Variants in DOCK1 observed in about 807,000 individuals in gnomAD.
DOCK1 encodes dedicator of cytokinesis protein 1.
Under a neutral mutation model 262.7 loss-of-function variants are expected in DOCK1, and 138 were observed. That is an observed-to-expected ratio of 0.53 (90% CI 0.46 to 0.61). The LOEUF (loss-of-function observed/expected upper bound fraction) is 0.61. Ranked by LOEUF, DOCK1 falls within the 20% of genes least tolerant of loss-of-function variation. The pLI is 0.00. For synonymous variants in DOCK1, 866 were observed against 867.4 expected (o/e 1.00, Z 0.03); for missense variants, 1,908 against 2,370.7 (o/e 0.80, Z 4.05).
chr10:127,380,033 C>G, intron 35 of DOCK1, 49 bp from the exon 36 acceptor site: 1 of 1,315,684 alleles, frequency 7.6e-7, no homozygotes, highest in Non-Finnish European at 1.1e-6. Context: ...CATGTGATAC[C>G]TTTTGTGGAA....
At chr10:127,327,576 T>C (rs554112100) in intron 29 of DOCK1, among the ~76,000 whole-genome samples, 85 of 152,318 alleles carry the variant, frequency 5.6e-4, no homozygotes, top group African/African-American at 1.9e-3. Flanking sequence ...CACTGAAACT[T>C]TCTCCGTAAA....
intron 35 of DOCK1, among the ~76,000 whole-genome samples, chr10:127,375,989 C>T (rs1203074322): frequency 5.3e-5 from 8 of 152,148 alleles, no homozygotes; most frequent in Admixed American, 5.2e-4. Flanking sequence ...CCACTGGAGC[C>T]AGTACTAGAT....
chr10:126,960,999 G>T (rs1434031179), intron 1 of DOCK1, among the ~76,000 whole-genome samples: 1 of 152,020 alleles, frequency 6.6e-6, no homozygotes, highest in Non-Finnish European at 1.5e-5. Flanking sequence ...TGTGAGGAAA[G>T]GCTCTTTTGT....
chr10:126,917,449 C>T (rs553213222), intron 1 of DOCK1, among the ~76,000 whole-genome samples: 3 of 152,158 alleles, frequency 2.0e-5, no homozygotes, highest in Admixed American at 6.5e-5. Flanking sequence ...GCAGCCAGCC[C>T]GGAAGCCCTT....
intron 46 of DOCK1, among the ~76,000 whole-genome samples, chr10:127,423,629 T>G (rs1424522502): frequency 6.6e-6 from 1 of 152,204 alleles, no homozygotes; most frequent in Non-Finnish European, 1.5e-5. Flanking sequence ...ACTGCTGTGA[T>G]GTATACATAT....
chr10:126,941,539 G>A (rs1008840569), intron 1 of DOCK1, among the ~76,000 whole-genome samples: 48 of 152,216 alleles, frequency 3.2e-4, no homozygotes, highest in Admixed American at 1.4e-3. Flanking sequence ...GGCGGATCAC[G>A]AGGTCAGGAG....
intron 27 of DOCK1, among the ~76,000 whole-genome samples, chr10:127,184,337 A>C: frequency 7.4e-6 from 1 of 134,438 alleles, no homozygotes; most frequent in African/African-American, 2.8e-5. Context: ...AATCCCCCAA[A>C]TCAGTCGTCA....
At chr10:127,199,435 C>T (rs977732790) in intron 27 of DOCK1, among the ~76,000 whole-genome samples, 4 of 152,112 alleles carry the variant, frequency 2.6e-5, no homozygotes, top group East Asian at 3.9e-4. Flanking sequence ...CTGTTCCAAA[C>T]GGGAAATAAT....
chr10:126,950,801 T>G (rs2036148543), intron 1 of DOCK1, among the ~76,000 whole-genome samples: 1 of 152,100 alleles, frequency 6.6e-6, no homozygotes, highest in South Asian at 2.1e-4. Context: ...ATGCGTCAAG[T>G]GTTCGTTGGA....
intron 31 of DOCK1, among the ~76,000 whole-genome samples, chr10:127,349,969 T>C (rs1486217526): frequency 6.6e-6 from 1 of 152,202 alleles, no homozygotes; most frequent in African/African-American, 2.4e-5. Flanking sequence ...GCAAAGACTC[T>C]ATTTCCAAAT....
At chr10:127,179,705 G>A (rs2055539791) in intron 27 of DOCK1, among the ~76,000 whole-genome samples, 1 of 152,112 alleles carries the variant, frequency 6.6e-6, no homozygotes. Context: ...AGGAAATGGG[G>A]CATTCTACAG....
rs1364358609 is a variant in DOCK1 at position 126,908,925 on chromosome 10, GCTCA to G, written c.46+3372_46+3375del. Among the ~76,000 whole-genome samples, 7 of 152,304 alleles carry G rather than the reference GCTCA, an allele frequency of 4.6e-5. No homozygotes were observed. In the East Asian group the frequency reaches 7.7e-4, roughly 17 times the overall value. ...CTAGAATCACACGTGAGGACCATGT[GCTCA>G]CTCACTCACATCTCAACAATGGTGT... On this transcript the variant is annotated intron_variant, in intron 1 of 51. Transcript: ENST00000623213.
chr10:127,125,133 C>T (rs1209809251), intron 25 of DOCK1, among the ~76,000 whole-genome samples: 2 of 152,096 alleles, frequency 1.3e-5, no homozygotes, highest in African/African-American at 4.8e-5. Context: ...AAAACAACAA[C>T]AAAAAACAAA....
chr10:127,452,305 A>AACAC lies in DOCK1; in HGVS notation c.*898_*901dup, dbSNP rs10663938. The AACAC allele has an allele frequency of 0.021, 3,139 of 149,488 alleles. 34 individuals are homozygous for AACAC. Among genetic ancestry groups the AACAC allele is most frequent in the Non-Finnish European group, 0.027 (1,778 of 67,062 alleles). The allele number at this position is 149,488 out of a possible 1,614,324, so 9.3% of individuals were successfully genotyped here. ...AATTTTTAACTGCTGGAAGTGTTAA[A>AACAC]ACACACACACACACACACACACATT... On this transcript the variant is annotated 3_prime_UTR_variant, in exon 52 of 52. Transcript: ENST00000623213.
intron 47 of DOCK1, 51 bp downstream of exon 47, chr10:127,426,062 C>T: frequency 6.2e-7 from 1 of 1,608,860 alleles, no homozygotes; most frequent in Non-Finnish European, 8.5e-7. Context: ...TCTGGGCATC[C>T]CACTGTTGAA....
intron 23 of DOCK1, among the ~76,000 whole-genome samples, chr10:127,087,409 G>A (rs929079086): frequency 2.0e-5 from 3 of 152,116 alleles, no homozygotes; most frequent in Admixed American, 2.0e-4. Context: ...GGGCTCAGAC[G>A]CTGATGCTAA....
chr10:127,310,212 G>A (rs1477608079), intron 29 of DOCK1, among the ~76,000 whole-genome samples: 1 of 152,038 alleles, frequency 6.6e-6, no homozygotes, highest in Non-Finnish European at 1.5e-5. Context: ...GTGAGAATCG[G>A]ACCTGGGATT....
chr10:127,077,994 C>A (rs962021703), intron 23 of DOCK1, among the ~76,000 whole-genome samples: 1 of 152,028 alleles, frequency 6.6e-6, no homozygotes, highest in African/African-American at 2.4e-5. Context: ...GGAGTGGAGG[C>A]AGGCAGCCTC....
At chr10:127,059,869 CTGTT>C (rs539091167) in intron 22 of DOCK1, among the ~76,000 whole-genome samples, 146 of 152,308 alleles carry the variant, frequency 9.6e-4, no homozygotes, top group African/African-American at 3.3e-3. Flanking sequence ...GAAGTCAAGA[CTGTT>C]TGTATGTAAA....
Sources: allele counts gnomAD v4.1 joint callset (sites outside exome capture counted in the v4.1 genomes callset), GRCh38; gene constraint gnomAD v4.1.1; transcripts MANE v1.5; gene names NCBI Gene and HGNC (gene_info 2026-07-23, HGNC 2026-07-21).